TYW1B: variants seen among roughly 807,000 people sequenced by gnomAD.
TYW1B encodes S-adenosyl-L-methionine-dependent tRNA 4-demethylwyosine synthase TYW1B.
Under a neutral mutation model 86.9 loss-of-function variants are expected in TYW1B, and 73 were observed. The observed-to-expected ratio is 0.84, with a 90% CI of 0.70 to 1.02. The LOEUF is 1.02. Among genes scored for constraint, TYW1B ranks in the 50% least tolerant of loss-of-function variants. The pLI, the probability that TYW1B is intolerant of heterozygous loss-of-function variation, is 0.00. For synonymous variants in TYW1B, 248 were observed against 292.8 expected (o/e 0.85, Z 1.56); for missense variants, 637 against 827.4 (o/e 0.77, Z 2.82).
chr7:72,722,873 T>C (rs1380583523), intron 9 of TYW1B: 5 of 647,100 alleles, frequency 7.7e-6, no homozygotes, highest in African/African-American at 1.9e-5. Flanking sequence ...AGGTAAATAA[T>C]TAATGAGCAT....
At chr7:72,729,313 T>C (rs1787062911) in intron 8 of TYW1B, among the ~76,000 whole-genome samples, 1 of 152,130 alleles carries the variant, frequency 6.6e-6, no homozygotes, top group Admixed American at 6.6e-5. Context: ...CTGGAACACT[T>C]GCTTGGAAAT....
At chr7:72,605,171 C>T (rs1811763830) in intron 13 of TYW1B, among the ~76,000 whole-genome samples, 1 of 152,168 alleles carries the variant, frequency 6.6e-6, no homozygotes, top group Non-Finnish European at 1.5e-5. Context: ...CACTGCACTG[C>T]AAACGACCAC....
At chr7:72,781,384 C>T (rs1323622898) in intron 6 of TYW1B, among the ~76,000 whole-genome samples, 1 of 152,154 alleles carries the variant, frequency 6.6e-6, no homozygotes, top group Non-Finnish European at 1.5e-5. Flanking sequence ...GGCGTCACTT[C>T]GTTGCAAGAT....
At chr7:72,717,322 T>C (rs1265159791) in intron 9 of TYW1B, among the ~76,000 whole-genome samples, 1 of 149,806 alleles carries the variant, frequency 6.7e-6, no homozygotes, top group Non-Finnish European at 1.5e-5. Context: ...AAAAAAATCA[T>C]GCAGTTTATA....
intron 3 of TYW1B, among the ~76,000 whole-genome samples, chr7:72,812,411 A>T (rs184391008): frequency 3.2e-4 from 48 of 152,286 alleles, no homozygotes; most frequent in African/African-American, 1.1e-3. Flanking sequence ...TTTGCGGTTC[A>T]GGGATTCTCA....
At chr7:72,740,145 A>C (rs1275391266) in intron 8 of TYW1B, among the ~76,000 whole-genome samples, 35 of 151,940 alleles carry the variant, frequency 2.3e-4, no homozygotes, top group African/African-American at 8.2e-4. Flanking sequence ...AGGCAGGAGA[A>C]TGGCATGAAC....
At chr7:72,814,377 G>C (rs1192976766) in intron 3 of TYW1B, among the ~76,000 whole-genome samples, 1 of 152,002 alleles carries the variant, frequency 6.6e-6, no homozygotes, top group African/African-American at 2.4e-5. Flanking sequence ...GAGGTCAGGA[G>C]ATCGAGACCA....
At chr7:72,770,262 CTACTAA>C (rs1787842565) in intron 7 of TYW1B, among the ~76,000 whole-genome samples, 1 of 151,472 alleles carries the variant, frequency 6.6e-6, no homozygotes, top group South Asian at 2.1e-4. Flanking sequence ...AACCCCATCT[CTACTAA>C]AAATAGAAAA....
At chr7:72,682,679 G>A (rs1402768472) in intron 11 of TYW1B, among the ~76,000 whole-genome samples, 1 of 152,148 alleles carries the variant, frequency 6.6e-6, no homozygotes, top group African/African-American at 2.4e-5. Flanking sequence ...ATCAACAACT[G>A]TTCTTAGATC....
At chr7:72,631,914 C>T (rs1812501292) in intron 11 of TYW1B, among the ~76,000 whole-genome samples, 1 of 152,062 alleles carries the variant, frequency 6.6e-6, no homozygotes. Flanking sequence ...CTGGCAGCAG[C>T]GTATCATACC....
At chr7:72,793,010 T>C (rs1788246138) in intron 6 of TYW1B, among the ~76,000 whole-genome samples, 1 of 152,202 alleles carries the variant, frequency 6.6e-6, no homozygotes, top group Admixed American at 6.6e-5. Flanking sequence ...AGGACTGCTG[T>C]CTGTGAAATT....
chr7:72,708,656 G>C (rs1448333095), intron 10 of TYW1B, among the ~76,000 whole-genome samples: 2 of 152,174 alleles, frequency 1.3e-5, no homozygotes, highest in Non-Finnish European at 2.9e-5. Flanking sequence ...TGAGATACCA[G>C]AGACAGCTGG....
At chr7:72,586,601 G>C (rs1811282819) in intron 13 of TYW1B, among the ~76,000 whole-genome samples, 1 of 152,136 alleles carries the variant, frequency 6.6e-6, no homozygotes. Flanking sequence ...GCCAGGTGTG[G>C]TGGTGCATGC....
At chr7:72,679,162 G>T (rs1190782856) in intron 11 of TYW1B, among the ~76,000 whole-genome samples, 1 of 152,160 alleles carries the variant, frequency 6.6e-6, no homozygotes, top group Non-Finnish European at 1.5e-5. Flanking sequence ...ATAGAAAATA[G>T]AAATTTAATG....
At position 72,793,393 on chromosome 7, in the gene TYW1B, G is replaced by A. The variant is rs545039822; in HGVS notation, c.846+9007C>T. On this transcript the variant is annotated intron_variant, in intron 6 of 13. Transcript: ENST00000620995. ...TAATTAAATGAAACTACAAAGAGAG[G>A]ATCAGATCAAGTTAAAAATTTTCGA... Among the ~76,000 whole-genome samples, 141 of 151,778 alleles carry A rather than the reference G, an allele frequency of 9.3e-4. 1 individual carries two copies. The highest frequency in any genetic ancestry group is 3.1e-3 in the African/African-American group (130 of 41,428).
rs182385121 is a variant in TYW1B at position 72,690,192 on chromosome 7, T to C, written c.1506+4495A>G. ...AAATAGTTCAGTTTACTACTGGATC[T>C]TGACCTTGGCATAATCATAGTTCAG... On this transcript the variant is annotated intron_variant, in intron 11 of 13. Coordinates refer to ENST00000620995, the MANE Select transcript of TYW1B (RefSeq NM_001145440.3). 4.6e-5 allele frequency among the ~76,000 whole-genome samples: 7 copies of C among 152,276 alleles called. No individual in the cohort carries two copies. The East Asian group carries it at 1.3e-3, about 29-fold the overall frequency.
intron 11 of TYW1B, among the ~76,000 whole-genome samples, chr7:72,683,212 C>G (rs34122281): frequency 5.3e-5 from 8 of 152,136 alleles, no homozygotes; most frequent in African/African-American, 1.2e-4. Flanking sequence ...CCTGTCCCAA[C>G]GGGGAAGAAA....
chr7:72,801,293 C>T (rs541710200), intron 6 of TYW1B, among the ~76,000 whole-genome samples: 10 of 152,220 alleles, frequency 6.6e-5, no homozygotes, highest in African/African-American at 1.4e-4. Flanking sequence ...CCCACCACTG[C>T]GCTCCAGCCT....
At chr7:72,575,798 A>G (rs1811009235) in intron 13 of TYW1B, 79 bp from the exon 14 acceptor site, 1 of 1,572,422 alleles carries the variant, frequency 6.4e-7, no homozygotes, top group Admixed American at 1.9e-5. Flanking sequence ...AAAATCATGA[A>G]CAAGTCTGAT....
Sources: gnomAD v4.1 joint callset for allele counts (sites outside exome capture counted in the v4.1 genomes callset) on GRCh38, gnomAD v4.1.1 for gene constraint, MANE v1.5 for transcripts, NCBI Gene and HGNC (gene_info 2026-07-23, HGNC 2026-07-21) for gene names.